The following B3GALT1 variants were observed in gnomAD, a reference collection of about 807,000 sequenced individuals.
The protein encoded by B3GALT1 is UDP-Gal:betaGlcNAc beta 1,3-galactosyltransferase, polypeptide 1.
Under a neutral mutation model 23.2 loss-of-function variants are expected in B3GALT1, and 10 were observed. The ratio of observed to expected loss-of-function variants is 0.43; its 90% confidence interval spans 0.27 to 0.73. The LOEUF is 0.73. Ranked by LOEUF, B3GALT1 falls within the 30% of genes least tolerant of loss-of-function variation. B3GALT1 has a pLI of 0.21. For synonymous variants in B3GALT1, 156 were observed against 141.5 expected (o/e 1.10, Z -0.73); for missense variants, 299 against 405.4 (o/e 0.74, Z 2.25).
intron 2 of B3GALT1, among the ~76,000 whole-genome samples, chr2:167,588,246 T>TAA (rs1553470017): frequency 1.3e-5 from 2 of 152,038 alleles, no homozygotes; most frequent in African/African-American, 4.8e-5. Context: ...ACCTGTGAGC[T>TAA]AAAAAAACTA....
rs1431896 is a variant in B3GALT1, at chr2:167,585,801, C to T, written c.-409-61108C>T. Among the ~76,000 whole-genome samples, 7 of 151,960 alleles carry T rather than the reference C, an allele frequency of 4.6e-5. No homozygotes were observed. The South Asian group carries it at 8.3e-4, about 18-fold the overall frequency. ...CATCAATAATAGAGTAGATAATTTT[C>T]GGAATAATACCTAGAAAATTTAGGA... On this transcript the variant is annotated intron_variant, in intron 2 of 4. Coordinates refer to ENST00000392690, the MANE Select transcript of B3GALT1 (RefSeq NM_020981.4).
chr2:167,646,848 T>A (rs995147013), intron 2 of B3GALT1, among the ~76,000 whole-genome samples, 61 bp from the exon 3 acceptor site: 1 of 152,224 alleles, frequency 6.6e-6, no homozygotes, highest in East Asian at 1.9e-4. Flanking sequence ...ATAGGGCTTT[T>A]TTATTTGCAG....
At chr2:167,698,616 G>T (rs1308715996) in intron 3 of B3GALT1, among the ~76,000 whole-genome samples, 1 of 152,164 alleles carries the variant, frequency 6.6e-6, no homozygotes, top group African/African-American at 2.4e-5. Flanking sequence ...CAAAGAAAAT[G>T]AGATAGACTT....
chr2:167,834,789 C>T (rs1689424632), intron 4 of B3GALT1, among the ~76,000 whole-genome samples: 1 of 151,600 alleles, frequency 6.6e-6, no homozygotes, highest in South Asian at 2.1e-4. Flanking sequence ...GTGGAGGTTG[C>T]AGTGAGCCAA....
intron 1 of B3GALT1, among the ~76,000 whole-genome samples, chr2:167,335,628 T>G (rs1016104609): frequency 6.6e-6 from 1 of 152,196 alleles, no homozygotes; most frequent in African/African-American, 2.4e-5. Context: ...TTCCTGACAT[T>G]GCCTTGGCAT....
chr2:167,424,971 C>T (rs905983179), intron 1 of B3GALT1, among the ~76,000 whole-genome samples: 1 of 152,238 alleles, frequency 6.6e-6, no homozygotes, highest in Admixed American at 6.5e-5. Context: ...CATATGCCTG[C>T]ACTTCTTTCC....
chr2:167,474,296 G>A (rs997172390), intron 1 of B3GALT1, among the ~76,000 whole-genome samples: 1 of 152,138 alleles, frequency 6.6e-6, no homozygotes, highest in African/African-American at 2.4e-5. Context: ...AAGAAATGAT[G>A]ATTGGATATT....
chr2:167,470,401 C>G (rs532366096), intron 1 of B3GALT1, among the ~76,000 whole-genome samples: 3 of 152,002 alleles, frequency 2.0e-5, no homozygotes, highest in Non-Finnish European at 2.9e-5. Flanking sequence ...AGATTTTAGT[C>G]TTGGCATTCT....
intron 3 of B3GALT1, among the ~76,000 whole-genome samples, chr2:167,762,782 G>A (rs1284650091): frequency 6.6e-6 from 1 of 152,100 alleles, no homozygotes; most frequent in Non-Finnish European, 1.5e-5. Flanking sequence ...TGAACATTTT[G>A]TATGAAGGAC....
At position 167,668,706 on chromosome 2, in the gene B3GALT1, A is replaced by T. The variant is rs555726167; in HGVS notation, c.-352+21740A>T. On this transcript the variant is annotated intron_variant, in intron 3 of 4. Transcript: ENST00000392690. Reference sequence around the variant, plus strand: ...GCAGTCTTCGGGTGGGAGTGACCCGATTTTCCAGGTGCCGTCTGTCACCCC... The same window carrying T: ...GCAGTCTTCGGGTGGGAGTGACCCGTTTTTCCAGGTGCCGTCTGTCACCCC... Among the ~76,000 whole-genome samples, 3 of 152,122 alleles carry T rather than the reference A, an allele frequency of 2.0e-5. No individual in the cohort carries two copies. The South Asian group carries it at 6.2e-4, about 32-fold the overall frequency.
chr2:167,869,336 G>T lies in B3GALT1; in HGVS notation c.297G>T (p.Glu99Asp), dbSNP rs1272932450. 1 of 1,614,006 alleles carries T rather than the reference G, an allele frequency of 6.2e-7. No individual in the cohort carries two copies. The highest frequency in any genetic ancestry group is 1.3e-5 in the African/African-American group (1 of 74,896). ...TTGATGCCCGTCAGGCAATCAGAGA[G>T]ACGTGGGGGGATGAGAACAACTTTA... ...KEFDARQAIR[E>D]TWGDENNFKG... The change falls in exon 5 of 5, where the codon GAG becomes GAT. Residue 99 changes from glutamate to aspartate, a missense_variant. This residue lies in a region of B3GALT1 where 162 missense variants were observed against 184.1 expected (regional missense o/e 0.88). Coordinates refer to ENST00000392690, the MANE Select transcript of B3GALT1 (RefSeq NM_020981.4). This position sits in a 1 kb window ranked among gnomAD's most constrained non-coding sequence, Gnocchi z 6.4.
chr2:167,433,367 T>C (rs1156916743), intron 1 of B3GALT1, among the ~76,000 whole-genome samples: 1 of 152,204 alleles, frequency 6.6e-6, no homozygotes, highest in Non-Finnish European at 1.5e-5. Flanking sequence ...GCTTCCACAT[T>C]TTGGCAATTA....
intron 1 of B3GALT1, among the ~76,000 whole-genome samples, chr2:167,407,594 A>T (rs1344411467): frequency 6.6e-6 from 1 of 152,144 alleles, no homozygotes; most frequent in South Asian, 2.1e-4. Context: ...ACCTTTAGCT[A>T]TGCTAAGGAC....
intron 1 of B3GALT1, among the ~76,000 whole-genome samples, chr2:167,482,689 A>G (rs1356079806): frequency 2.0e-5 from 3 of 152,156 alleles, no homozygotes; most frequent in African/African-American, 7.2e-5. Context: ...AAAATAAAAA[A>G]ATTAGCCGGG....
chr2:167,358,303 G>C (rs1697448114), intron 1 of B3GALT1, among the ~76,000 whole-genome samples: 1 of 152,134 alleles, frequency 6.6e-6, no homozygotes, highest in African/African-American at 2.4e-5. Context: ...AAGAAAGAAG[G>C]CTTCTGGGTG....
chr2:167,658,946 G>T (rs1686007375), intron 3 of B3GALT1, among the ~76,000 whole-genome samples: 2 of 151,994 alleles, frequency 1.3e-5, no homozygotes, highest in Non-Finnish European at 2.9e-5. Context: ...TATCATAAAG[G>T]TGATTGCTAA....
At chr2:167,468,629 T>A (rs1358605727) in intron 1 of B3GALT1, among the ~76,000 whole-genome samples, 1 of 152,152 alleles carries the variant, frequency 6.6e-6, no homozygotes, top group African/African-American at 2.4e-5. Flanking sequence ...CCCAGCACTT[T>A]GGGAGGCTGA....
At chr2:167,715,153 G>T (rs12994037) in intron 3 of B3GALT1, 7 of 1,613,772 alleles carry the variant, frequency 4.3e-6, no homozygotes, top group African/African-American at 2.7e-5. Flanking sequence ...GATCATCTAA[G>T]TAAGCACCAT....
intron 2 of B3GALT1, among the ~76,000 whole-genome samples, chr2:167,512,251 T>C (rs551819720): frequency 1.3e-5 from 2 of 151,928 alleles, no homozygotes; most frequent in East Asian, 3.9e-4. Flanking sequence ...TTAAAGAAAT[T>C]CTTTATCAGT....
Sources: gnomAD v4.1 joint callset for allele counts (sites outside exome capture counted in the v4.1 genomes callset) on GRCh38, gnomAD v4.1.1 for gene constraint, gnomAD v4.1.1 regional missense constraint, Gnocchi (gnomAD v3.1) non-coding constraint, MANE v1.5 for transcripts, NCBI Gene and HGNC (gene_info 2026-07-23, HGNC 2026-07-21) for gene names.